HERC3: variants seen among roughly 807,000 people sequenced by gnomAD.
HERC3 encodes HECT and RLD domain containing E3 ubiquitin protein ligase 3, also known as probable E3 ubiquitin-protein ligase HERC3.
Under a neutral mutation model 129.9 loss-of-function variants are expected in HERC3, and 58 were observed. The observed-to-expected ratio is 0.45, with a 90% CI of 0.36 to 0.56. The LOEUF is 0.56. HERC3 is among the 20% of genes least tolerant of loss of function. HERC3 has a pLI of 0.00. For synonymous variants in HERC3, 430 were observed against 451.0 expected (o/e 0.95, Z 0.59); for missense variants, 835 against 1,244.2 (o/e 0.67, Z 4.95).
At chr4:88,605,281 T>C (rs1437314174) in intron 2 of HERC3, among the ~76,000 whole-genome samples, 2 of 152,188 alleles carry the variant, frequency 1.3e-5, no homozygotes, top group Non-Finnish European at 2.9e-5. Flanking sequence ...TAACATTTTT[T>C]TTTTCTATTT....
At chr4:88,658,336 T>C in intron 9 of HERC3, 79 bp from the exon 10 acceptor site, 1 of 725,980 alleles carries the variant, frequency 1.4e-6, no homozygotes, top group Non-Finnish European at 2.3e-6. Flanking sequence ...CTGAAGTGTA[T>C]TCTGCGACAG....
In HERC3 at chr4:88,678,170, G is replaced by A. The variant is rs545143488; in HGVS notation, c.2196+36G>A. The A allele has an allele frequency of 1.2e-4, 193 of 1,588,142 alleles. 4 individuals are homozygous for A. In the South Asian group the frequency reaches 1.8e-3, roughly 15 times the overall value. ...TCAGGATATTCCTCTAAATACCTTC[G>A]CAATTTTTCTTTGAACAGTGTTGAT... On this transcript the variant is annotated intron_variant, in intron 19 of 25. Transcript: ENST00000402738.
At chr4:88,602,626 T>C (rs1723135104) in intron 2 of HERC3, among the ~76,000 whole-genome samples, 1 of 151,914 alleles carries the variant, frequency 6.6e-6, no homozygotes, top group South Asian at 2.1e-4. Flanking sequence ...TACAGGTGTG[T>C]CCTACCACAC....
At chr4:88,690,153 T>C in intron 23 of HERC3, 1 of 985,408 alleles carries the variant, frequency 1.0e-6, no homozygotes, top group South Asian at 4.7e-5. Context: ...AAACCCTTGA[T>C]AAGAATCTCT....
intron 24 of HERC3, 61 bp from the exon 25 acceptor site, chr4:88,704,447 A>G (rs1444140489): frequency 2.4e-5 from 31 of 1,278,758 alleles, no homozygotes; most frequent in Middle Eastern, 1.8e-4. Flanking sequence ...CAAATGATAT[A>G]TAATGTCCAC....
At chr4:88,656,252 C>T (rs951597997) in intron 9 of HERC3, 10 of 549,628 alleles carry the variant, frequency 1.8e-5, no homozygotes, top group African/African-American at 9.4e-5. Context: ...TGTGTTAGGC[C>T]GTTCTTGCAT....
At chr4:88,598,726 T>A (rs1722667957) in intron 2 of HERC3, among the ~76,000 whole-genome samples, 1 of 152,228 alleles carries the variant, frequency 6.6e-6, no homozygotes, top group Admixed American at 6.5e-5. Context: ...ACATCTTTCC[T>A]CAGGTTTCAC....
chr4:88,549,910 A>G, the HERC3 span, among the ~76,000 whole-genome samples: 1 of 152,186 alleles, frequency 6.6e-6, no homozygotes, highest in Non-Finnish European at 1.5e-5. Context: ...GACCAATCAT[A>G]TGGCTCAGGC....
intron 7 of HERC3, among the ~76,000 whole-genome samples, chr4:88,654,346 TTTCATATATATATA>T (rs1280023349): frequency 2.1e-3 from 166 of 79,728 alleles, no homozygotes; most frequent in African/African-American, 9.0e-3. Flanking sequence ...CTTGTAGATT[TTTCATATATATATA>T]TATATATATA....
chr4:88,656,073 A>G (rs1427893193), intron 9 of HERC3, 38 bp downstream of exon 9: 12 of 1,601,392 alleles, frequency 7.5e-6, no homozygotes, highest in South Asian at 1.1e-5. Context: ...AGGTATTTTA[A>G]GTGATGAAAA....
chr4:88,697,162 G>C (rs1734680546), intron 23 of HERC3: 2 of 1,456,670 alleles, frequency 1.4e-6, no homozygotes, highest in African/African-American at 1.4e-5. Context: ...ACAAAACCAG[G>C]CTTTTTTCTT....
the HERC3 span, among the ~76,000 whole-genome samples, chr4:88,574,951 T>A: frequency 1.1e-4 from 17 of 152,176 alleles, no homozygotes; most frequent in Non-Finnish European, 2.4e-4. Context: ...GGCTGGGTCA[T>A]ATGGAATTAA....
intron 3 of HERC3, among the ~76,000 whole-genome samples, chr4:88,609,394 T>C (rs1251376359): frequency 6.6e-6 from 1 of 152,204 alleles, no homozygotes; most frequent in Admixed American, 6.5e-5. Flanking sequence ...TTGAATGCAG[T>C]GTCTGGCAGT....
chr4:88,653,671 A>C (rs1189139531), intron 6 of HERC3, among the ~76,000 whole-genome samples: 1 of 152,190 alleles, frequency 6.6e-6, no homozygotes, highest in Non-Finnish European at 1.5e-5. Flanking sequence ...ACCAGCTTGG[A>C]GGTTGTGGGA....
At chr4:88,547,593 T>C in the HERC3 span, among the ~76,000 whole-genome samples, 1 of 152,250 alleles carries the variant, frequency 6.6e-6, no homozygotes, top group African/African-American at 2.4e-5. Flanking sequence ...GGATATTTCC[T>C]ATACATGAAA....
At chr4:88,537,564 T>C in the HERC3 span, among the ~76,000 whole-genome samples, 2 of 152,232 alleles carry the variant, frequency 1.3e-5, no homozygotes, top group Non-Finnish European at 2.9e-5. Context: ...GTTTAAGTTG[T>C]CACTACTGTA....
chr4:88,529,326 A>T, the HERC3 span, among the ~76,000 whole-genome samples: 29 of 152,284 alleles, frequency 1.9e-4, 1 homozygote, highest in East Asian at 4.8e-3. Context: ...TGGCTATGGC[A>T]GTGCCTGCAA....
In HERC3 at chr4:88,681,472, G is replaced by T. The variant is rs1732768612; in HGVS notation, c.2507+147G>T. 4 of 669,534 alleles carry T rather than the reference G, an allele frequency of 6.0e-6. No homozygotes were observed. The South Asian group carries it at 7.8e-5, about 13-fold the overall frequency. 41.5% of individuals were successfully genotyped at this position (669,534 alleles called of 1,614,324 possible). ...TTATGTGTGTTTTGTCTAAGATGTA[G>T]CTGTGCAGCTACTTGCTTGAGACAT... On this transcript the variant is annotated intron_variant, in intron 21 of 25. Transcript: ENST00000402738.
the HERC3 span, among the ~76,000 whole-genome samples, chr4:88,537,110 G>A: frequency 2.0e-5 from 3 of 151,866 alleles, no homozygotes; most frequent in African/African-American, 7.3e-5. Flanking sequence ...CATCACCACA[G>A]GACAATTATC....
Sources: gnomAD v4.1 joint callset for allele counts (sites outside exome capture counted in the v4.1 genomes callset) on GRCh38, gnomAD v4.1.1 for gene constraint, MANE v1.5 for transcripts, NCBI Gene and HGNC (gene_info 2026-07-23, HGNC 2026-07-21) for gene names.